The following CCDC171 variants were observed in gnomAD, a reference collection of about 807,000 sequenced individuals.
The protein encoded by CCDC171 is coiled-coil domain-containing protein 171.
In CCDC171, 177 loss-of-function variants were observed where a neutral mutation model predicts 168.2. The observed-to-expected ratio is 1.05, with a 90% confidence interval of 0.93 to 1.19. The LOEUF is 1.19. Among genes scored for constraint, CCDC171 ranks in the 50% most tolerant of loss-of-function variants. CCDC171 has a pLI of 0.00. For synonymous variants in CCDC171, 687 were observed against 540.8 expected, an observed-to-expected ratio of 1.27 and a Z score of -3.75; for missense variants, 1,991 against 1,539.0, an observed-to-expected ratio of 1.29 and a Z score of -4.91.
intron 21 of CCDC171, among the ~76,000 whole-genome samples, chr9:15,818,852 A>G (rs1199631546): frequency 3.4e-5 from 4 of 116,478 alleles, no homozygotes; most frequent in South Asian, 2.8e-4. Flanking sequence ...ACGCCACAAA[A>G]ATACTCCTCG....
Position 15,666,206 on chromosome 9 carries a change from C to T in CCDC171, c.959C>T (p.Ala320Val), listed in dbSNP as rs2048722855. ...DLEGALQVEK[A>V]SQAEAVADLE... ...GAAGGAGCTTTGCAAGTAGAGAAGG[C>T]CAGTCAAGCAGAAGCTGTTGCTGAT... is the stretch of plus-strand genomic sequence containing the variant. Residue 320 changes from alanine to valine, a missense_variant, in exon 9 of 26, where the codon GCC becomes GTC. Ala to Val is a moderately conservative substitution (Grantham distance 64). Coordinates refer to ENST00000380701, the MANE Select transcript of CCDC171 (RefSeq NM_173550.4). 10 of 1,613,386 alleles carry T rather than the reference C, an allele frequency of 6.2e-6. No individual in the cohort carries two copies. The highest frequency in any genetic ancestry group is 4.5e-5 in the East Asian group (2 of 44,822).
At chr9:15,923,000 T>G (rs747806219) in intron 25 of CCDC171, among the ~76,000 whole-genome samples, 16 of 151,694 alleles carry the variant, frequency 1.1e-4, no homozygotes, top group Non-Finnish European at 7.4e-5. Context: ...TTTTCTCCCA[T>G]CCTGTAGGTT....
chr9:16,015,984 C>A (rs112471750), intron 3 of CCDC171, among the ~76,000 whole-genome samples: 2 of 152,182 alleles, frequency 1.3e-5, no homozygotes, highest in African/African-American at 2.4e-5. Context: ...TCCCATTGTA[C>A]GTACATAACA....
At position 15,776,590 on chromosome 9, in the gene CCDC171, T is replaced by C. The variant is rs549912879; in HGVS notation, c.2672-1010T>C. Among the ~76,000 whole-genome samples, 9 of 152,328 alleles carry C rather than the reference T, an allele frequency of 5.9e-5. No individual in the cohort carries two copies. The East Asian group carries it at 1.5e-3, about 26-fold the overall frequency. ...ATAGATTTTAAAATTTGTCTGTCCT[T>C]TAAACATTGAGGAATAAAATAAGTA... On this transcript the variant is annotated intron_variant, in intron 18 of 25. Transcript: ENST00000380701.
chr9:15,570,197 CT>C (rs1563958469), intron 2 of CCDC171, among the ~76,000 whole-genome samples: 1 of 152,056 alleles, frequency 6.6e-6, no homozygotes, highest in African/African-American at 2.4e-5. Context: ...TCTTGAACTC[CT>C]GGCCTCAAGT....
At chr9:16,051,575 T>C (rs2133071635) in intron 1 of CCDC171, among the ~76,000 whole-genome samples, 1 of 152,306 alleles carries the variant, frequency 6.6e-6, no homozygotes, top group East Asian at 1.9e-4. Flanking sequence ...TTTGTTGTTT[T>C]CCTAAACCCA....
chr9:15,969,368 G>A (rs545770707), intron 25 of CCDC171, among the ~76,000 whole-genome samples: 1 of 152,266 alleles, frequency 6.6e-6, no homozygotes, highest in South Asian at 2.1e-4. Context: ...AATGTGTTAG[G>A]TTGATGGATT....
At chr9:16,024,600 C>T (rs1231306046) in intron 6 of CCDC171, among the ~76,000 whole-genome samples, 1 of 152,254 alleles carries the variant, frequency 6.6e-6, no homozygotes, top group Non-Finnish European at 1.5e-5. Flanking sequence ...CTGTGTGCTA[C>T]TTTCTTGGAC....
At chr9:15,964,469 G>C (rs562021595) in intron 25 of CCDC171, among the ~76,000 whole-genome samples, 87 of 152,162 alleles carry the variant, frequency 5.7e-4, no homozygotes, top group African/African-American at 2.0e-3. Flanking sequence ...ATGTTTCTAA[G>C]ACAGAGGGGA....
At chr9:15,851,631 G>A (rs1423102151) in intron 23 of CCDC171, among the ~76,000 whole-genome samples, 1 of 151,668 alleles carries the variant, frequency 6.6e-6, no homozygotes, top group African/African-American at 2.4e-5. Flanking sequence ...CCATTTTAAA[G>A]TGCACAGTTC....
At chr9:15,868,510 A>AGAGG (rs2061886369) in intron 23 of CCDC171, among the ~76,000 whole-genome samples, 2 of 151,352 alleles carry the variant, frequency 1.3e-5, no homozygotes, top group Non-Finnish European at 3.0e-5. Context: ...AGAGAGAGAG[A>AGAGG]GAGAGAGGAT....
chr9:15,749,243 A>G (rs1377344149), intron 18 of CCDC171, among the ~76,000 whole-genome samples: 1 of 152,206 alleles, frequency 6.6e-6, no homozygotes, highest in African/African-American at 2.4e-5. Flanking sequence ...ACATAATGGT[A>G]AAGGGATCAA....
chr9:16,077,541 T>G, the CCDC171 span, among the ~76,000 whole-genome samples: 1 of 152,148 alleles, frequency 6.6e-6, no homozygotes, highest in Non-Finnish European at 1.5e-5. Flanking sequence ...CCTGCCTTTT[T>G]TCATGAGAAG....
chr9:15,926,613 T>C (rs1296822840), intron 25 of CCDC171, among the ~76,000 whole-genome samples: 1 of 151,686 alleles, frequency 6.6e-6, no homozygotes, highest in Admixed American at 6.6e-5. Flanking sequence ...ATGTACATTC[T>C]GACACTGTTA....
intron 10 of CCDC171, among the ~76,000 whole-genome samples, chr9:15,692,213 C>G (rs2050851141): frequency 6.6e-6 from 1 of 151,748 alleles, no homozygotes; most frequent in Non-Finnish European, 1.5e-5. Flanking sequence ...CTGTCTCTAC[C>G]AAAAACACAA....
chr9:15,598,236 A>T (rs1190223129), intron 6 of CCDC171, among the ~76,000 whole-genome samples: 1 of 151,610 alleles, frequency 6.6e-6, no homozygotes, highest in African/African-American at 2.4e-5. Context: ...TTTAATTGTG[A>T]TGTTAGGGTG....
chr9:15,598,800 C>T (rs2042590983), intron 6 of CCDC171, among the ~76,000 whole-genome samples: 1 of 152,110 alleles, frequency 6.6e-6, no homozygotes, highest in African/African-American at 2.4e-5. Flanking sequence ...TTTTGTAGGT[C>T]TCTAAGGACT....
In CCDC171 at chr9:15,608,959, A is replaced by AT. The variant is rs1429773135; in HGVS notation, c.676-14308_676-14307insT. Reference sequence around the variant, plus strand: ...GACCCTGTCTCAAAAAAAAAAAAAAAAAAAAAAAAAAAAGAGTGGTTTTTT... The same window carrying AT: ...GACCCTGTCTCAAAAAAAAAAAAAAATAAAAAAAAAAAAAGAGTGGTTTTTT... On this transcript the variant is annotated intron_variant, in intron 6 of 25. Transcript: ENST00000380701. Among the ~76,000 whole-genome samples the AT allele has an allele frequency of 4.9e-4, 73 of 147,756 alleles. 2 individuals are homozygous for AT. The highest frequency in any genetic ancestry group is 1.7e-3 in the African/African-American group (66 of 39,704).
chr9:15,998,999 A>T (rs1166495425), intron 3 of CCDC171, among the ~76,000 whole-genome samples: 1 of 152,156 alleles, frequency 6.6e-6, no homozygotes, highest in Non-Finnish European at 1.5e-5. Context: ...CTATTTCAAC[A>T]TGAGTGCTAA....
Sources: gnomAD v4.1 joint callset for allele counts (sites outside exome capture counted in the v4.1 genomes callset) on GRCh38, gnomAD v4.1.1 for gene constraint, MANE v1.5 for transcripts, NCBI Gene and HGNC (gene_info 2026-07-23, HGNC 2026-07-21) for gene names.